FRMPD4: variants seen among roughly 807,000 people sequenced by gnomAD.
The protein encoded by FRMPD4 is FERM and PDZ domain-containing protein 4.
In FRMPD4, 22 loss-of-function variants were observed where a neutral mutation model predicts 94.1. The ratio of observed to expected loss-of-function variants is 0.23; its 90% confidence interval spans 0.17 to 0.33. The LOEUF (loss-of-function observed/expected upper bound fraction) is 0.33, where lower values mean the gene tolerates loss of function less well. Among genes scored for constraint, FRMPD4 ranks in the 10% least tolerant of loss-of-function variants. FRMPD4 has a pLI of 1.00. For missense variants in FRMPD4, 1,111 were observed against 1,339.9 expected (o/e 0.83, Z 2.67); for synonymous variants, 631 against 548.6 (o/e 1.15, Z -2.10).
At chrX:12,645,347 CTTTTTTTTT>C (rs138817056) in intron 4 of FRMPD4, among the ~76,000 whole-genome samples, 2 of 55,642 alleles carry the variant, frequency 3.6e-5, no homozygotes, top group African/African-American at 1.7e-4. Context: ...CACTCTCACT[CTTTTTTTTT>C]TTTTTTTTTT....
chrX:12,065,101 A>G (rs2147464408), intron 3 of FRMPD4, among the ~76,000 whole-genome samples: 1 of 112,584 alleles, frequency 8.9e-6, no homozygotes, highest in East Asian at 2.8e-4. Flanking sequence ...TGCAAATCCT[A>G]TTGAATACTA....
intron 1 of FRMPD4, among the ~76,000 whole-genome samples, chrX:12,265,301 C>A (rs963881798): frequency 5.3e-5 from 6 of 112,299 alleles, no homozygotes; most frequent in African/African-American, 1.9e-4. Flanking sequence ...CTGCGGTTTG[C>A]TGGTTCATTC....
At chrX:12,716,040 T>C in intron 14 of FRMPD4, 29 bp from the exon 15 acceptor site, 1 of 333,377 alleles carries the variant, frequency 3.0e-6, no homozygotes, top group African/African-American at 3.8e-5. Flanking sequence ...AGTACAGTAA[T>C]GTGTCTTTGC....
chrX:11,942,317 C>T (rs1334401096), intron 3 of FRMPD4, among the ~76,000 whole-genome samples: 1 of 107,369 alleles, frequency 9.3e-6, no homozygotes. Flanking sequence ...TCAAGTGATC[C>T]TCCTGCCTCA....
At chrX:12,355,151 G>A (rs5935308) in intron 1 of FRMPD4, among the ~76,000 whole-genome samples, 24,835 of 109,236 alleles carry the variant, frequency 0.23, 2,181 homozygotes, top group African/African-American at 0.26. Context: ...TGAGGTTTAT[G>A]TCTATACTTG....
intron 3 of FRMPD4, among the ~76,000 whole-genome samples, chrX:11,931,649 G>A (rs1474374793): frequency 8.9e-6 from 1 of 112,486 alleles, no homozygotes; most frequent in Non-Finnish European, 1.9e-5. Flanking sequence ...ACTGCATTCT[G>A]TTGGTTAAAC....
chrX:12,700,738 G>A (rs1222739832), intron 9 of FRMPD4, among the ~76,000 whole-genome samples: 1 of 112,610 alleles, frequency 8.9e-6, no homozygotes, highest in Non-Finnish European at 1.9e-5. Flanking sequence ...AGCACTTGAT[G>A]TGCACCTCAT....
intron 5 of FRMPD4, among the ~76,000 whole-genome samples, chrX:12,676,411 A>T (rs1196636258): frequency 3.5e-5 from 4 of 113,015 alleles, no homozygotes; most frequent in African/African-American, 1.3e-4. Context: ...TGTCTATAAT[A>T]AGCATCGAAC....
At chrX:11,930,394 G>A (rs1169146239) in intron 3 of FRMPD4, among the ~76,000 whole-genome samples, 1 of 111,061 alleles carries the variant, frequency 9.0e-6, no homozygotes, top group African/African-American at 3.3e-5. Flanking sequence ...GTCTTGAATT[G>A]AGTGGGCTCT....
chrX:12,366,150 G>A (rs2056072724), intron 1 of FRMPD4, among the ~76,000 whole-genome samples: 1 of 112,387 alleles, frequency 8.9e-6, no homozygotes, highest in Admixed American at 9.4e-5. Context: ...AGCTGGGTCT[G>A]TCTGCAGTAC....
At chrX:12,265,157 G>A (rs1009522736) in intron 1 of FRMPD4, among the ~76,000 whole-genome samples, 14 of 111,810 alleles carry the variant, frequency 1.3e-4, no homozygotes, top group African/African-American at 4.2e-4. Context: ...TAAAAATATC[G>A]AAGTCCCAGC....
At chrX:11,954,778 A>G (rs1268846020) in intron 3 of FRMPD4, among the ~76,000 whole-genome samples, 1 of 110,074 alleles carries the variant, frequency 9.1e-6, no homozygotes, top group Non-Finnish European at 1.9e-5. Context: ...TTCTACCATC[A>G]TAAATTGATG....
At chrX:12,070,886 C>A (rs1184037935) in intron 3 of FRMPD4, among the ~76,000 whole-genome samples, 1 of 112,349 alleles carries the variant, frequency 8.9e-6, no homozygotes, top group African/African-American at 3.2e-5. Flanking sequence ...ATTTGCATTG[C>A]AAACCACTGG....
rs777110153 is a variant in FRMPD4 at position 11,883,246 on chromosome X, G to A, written c.95+5228G>A. 3.6e-5 allele frequency among the ~76,000 whole-genome samples: 4 copies of A among 111,653 alleles called. No individual in the cohort carries two copies. The East Asian group carries it at 1.1e-3, about 31-fold the overall frequency. ...AGTCTGGGCTACAAATATAAATTGG[G>A]GATCATTGGCACAAAGACAGAAATT... On this transcript the variant is annotated intron_variant, in intron 3 of 18. Coordinates refer to the FRMPD4 transcript ENST00000640291.
intron 3 of FRMPD4, among the ~76,000 whole-genome samples, chrX:12,107,524 C>G (rs1304410635): frequency 8.9e-6 from 1 of 112,191 alleles, no homozygotes; most frequent in Non-Finnish European, 1.9e-5. Context: ...AGCTCCTTGC[C>G]AGCAACGGAA....
chrX:12,629,570 T>C (rs907147185), intron 4 of FRMPD4, among the ~76,000 whole-genome samples: 16 of 112,239 alleles, frequency 1.4e-4, no homozygotes, highest in Non-Finnish European at 2.8e-4. Flanking sequence ...TAAAACAGAG[T>C]AAGTAAAGCT....
At chrX:12,314,092 A>G (rs2055076090) in intron 1 of FRMPD4, among the ~76,000 whole-genome samples, 1 of 112,628 alleles carries the variant, frequency 8.9e-6, no homozygotes, top group South Asian at 3.6e-4. Flanking sequence ...AAGACATTGA[A>G]GCTTATATAG....
At chrX:12,675,424 TAAAAAA>T (rs61184913) in intron 5 of FRMPD4, among the ~76,000 whole-genome samples, 1 of 89,804 alleles carries the variant, frequency 1.1e-5, no homozygotes, top group Non-Finnish European at 2.2e-5. Context: ...TCTTGTGATT[TAAAAAA>T]AAAAAAAAAA....
chrX:12,710,474 G>A lies in FRMPD4; in HGVS notation c.1546G>A (p.Val516Ile), dbSNP rs781686840. The change falls in exon 14 of 17, where the codon GTT (valine) becomes ATT (isoleucine). Residue 516 changes from valine to isoleucine, a missense_variant. Val to Ile is a conservative substitution (Grantham distance 29, BLOSUM62 3). Around this residue, in one of 8 missense-constraint regions of FRMPD4, gnomAD observed 111 missense variants for 160.7 expected, o/e 0.69. Coordinates refer to ENST00000675598, the MANE Select transcript of FRMPD4 (RefSeq NM_001368397.1). ...GACGGCTGGATACTACCGGCTGCTTGTTGATTCCAGGAGGTCGATATTTAA... is the reference window on the plus strand; with the variant it reads ...GACGGCTGGATACTACCGGCTGCTTATTGATTCCAGGAGGTCGATATTTAA... ...CLTAGYYRLL[V>I]DSRRSIFNMA... is the part of the protein sequence containing the mutation. The A allele has an allele frequency of 1.7e-6, 2 of 1,202,679 alleles. No individual in the cohort carries two copies. The highest frequency in any genetic ancestry group is 4.4e-5 in the Admixed American group (2 of 45,935).
Sources: gnomAD v4.1 joint callset for allele counts (sites outside exome capture counted in the v4.1 genomes callset) on GRCh38, gnomAD v4.1.1 for gene constraint, gnomAD v4.1.1 regional missense constraint, MANE v1.5 for transcripts, NCBI Gene and HGNC (gene_info 2026-07-23, HGNC 2026-07-21) for gene names.